EIF3M: variants seen among roughly 807,000 people sequenced by gnomAD.
EIF3M encodes eukaryotic translation initiation factor 3 subunit M, also known as B5 receptor.
In EIF3M, 25 loss-of-function variants were observed where a neutral mutation model predicts 49.7. That is an observed-to-expected ratio of 0.50 (90% CI 0.37 to 0.70). The LOEUF is 0.70. EIF3M is among the 30% of genes least tolerant of loss of function. The pLI is 0.00. For synonymous variants in EIF3M, 156 were observed against 149.8 expected, an observed-to-expected ratio of 1.04 and a Z score of -0.30; for missense variants, 350 against 440.0, an observed-to-expected ratio of 0.80 and a Z score of 1.83.
At chr11:32,594,157 G>A (rs576240609) in intron 6 of EIF3M, 1 of 362,428 alleles carries the variant, frequency 2.8e-6, no homozygotes. Flanking sequence ...TAGCTGCATG[G>A]CGTTTACCTG....
chr11:32,586,964 G>A (rs753287785), intron 1 of EIF3M, 48 bp from the exon 2 acceptor site: 1 of 1,502,112 alleles, frequency 6.7e-7, no homozygotes, highest in Non-Finnish European at 8.9e-7. Context: ...ATTTGAGATT[G>A]TGCTTTGTCA....
chr11:32,584,027 C>CG (rs1854950248), intron 1 of EIF3M, 98 bp downstream of exon 1: 1 of 1,495,744 alleles, frequency 6.7e-7, no homozygotes, highest in Non-Finnish European at 9.1e-7. Context: ...CCGGGGCTGA[C>CG]ACCCGCAGCT....
chr11:32,590,873 T>C (rs1855089543), intron 5 of EIF3M, among the ~76,000 whole-genome samples: 1 of 151,838 alleles, frequency 6.6e-6, no homozygotes, highest in East Asian at 1.9e-4. Context: ...TTATTTGAGA[T>C]GGAGTCTTGC....
In EIF3M at chr11:32,590,852, CT is replaced by C. The variant is rs531938787; in HGVS notation, c.533+1223del. ...GTTGATGCACATGGTGTTTGTTGTG[CT>C]TTTTTTTTTTTATTTGAGATGGAGT... On this transcript the variant is annotated intron_variant, in intron 5 of 10. Transcript: ENST00000531120. 2.1e-3 allele frequency among the ~76,000 whole-genome samples: 299 copies of C among 144,360 alleles called. 1 individual carries two copies. The highest frequency in any genetic ancestry group is 3.6e-3 in the Middle Eastern group (1 of 280). The allele number at this position is 144,360 out of a possible 152,430, so 94.7% of individuals were successfully genotyped here.
rs1050047695 is a variant in EIF3M, at chr11:32,594,925, G to A, written c.629G>A (p.Arg210Gln). Reference protein sequence around the residue: ...ARVDAHRCIVRALKDPNAFLF... With the variant: ...ARVDAHRCIVQALKDPNAFLF... ...GTTCTCTAATTAAGGTGTATTGTAC[G>A]AGCATTGAAAGATCCAAATGCATTT... The change falls in exon 7 of 11, where the codon CGA (arginine) becomes CAA (glutamine). Residue 210 changes from arginine to glutamine, a missense_variant. Coordinates refer to ENST00000531120, the MANE Select transcript of EIF3M (RefSeq NM_006360.6). 21 of 1,612,522 alleles carry A rather than the reference G, an allele frequency of 1.3e-5. 1 individual carries two copies. The highest frequency in any genetic ancestry group is 1.7e-4 in the Middle Eastern group (1 of 6,044).
chr11:32,590,264 A>G (rs1855079665), intron 5 of EIF3M, among the ~76,000 whole-genome samples: 2 of 152,242 alleles, frequency 1.3e-5, no homozygotes, highest in African/African-American at 4.8e-5. Context: ...TTGGTATTAC[A>G]TCCATGCCTA....
At chr11:32,594,174 G>A (rs555527964) in intron 6 of EIF3M, 6 of 339,922 alleles carry the variant, frequency 1.8e-5, no homozygotes, top group East Asian at 4.5e-5. Context: ...CCTGGCGGGG[G>A]GGGTATTGCT....
In EIF3M at chr11:32,595,024, T is replaced by A. The variant is rs770623852; in HGVS notation, c.717+11T>A. The A allele has an allele frequency of 6.2e-7, 1 of 1,607,402 alleles. No individual in the cohort carries two copies. The highest frequency in any genetic ancestry group is 8.5e-7 in the Non-Finnish European group (1 of 1,176,850). Reference sequence around the variant, plus strand: ...GAGCTTATTCATGATGTAAGTAGTTTATCCTTTAATGTGAAAAATGTTCTC... The same window carrying A: ...GAGCTTATTCATGATGTAAGTAGTTAATCCTTTAATGTGAAAAATGTTCTC... On this transcript the variant is annotated intron_variant, in intron 7 of 10. Coordinates refer to ENST00000531120, the MANE Select transcript of EIF3M (RefSeq NM_006360.6).
intron 6 of EIF3M, 26 bp downstream of exon 6, chr11:32,593,975 G>C (rs778982286): frequency 7.7e-6 from 11 of 1,423,148 alleles, no homozygotes; most frequent in Non-Finnish European, 9.3e-6. Context: ...ACTCTGATGA[G>C]GGTTTGACAG....
chr11:32,585,726 T>C (rs1307893043), intron 1 of EIF3M, among the ~76,000 whole-genome samples: 1 of 152,220 alleles, frequency 6.6e-6, no homozygotes, highest in African/African-American at 2.4e-5. Flanking sequence ...CCAACTCTTC[T>C]ATGAAGTTAC....
chr11:32,584,186 AT>A, intron 1 of EIF3M: 1 of 569,430 alleles, frequency 1.8e-6, no homozygotes, highest in South Asian at 2.1e-5. Flanking sequence ...TTCTGACGAC[AT>A]AGTACTTTTA....
rs1473913811 is a variant in EIF3M, at chr11:32,603,289, C to A, written c.*890C>A. On this transcript the variant is annotated 3_prime_UTR_variant, in exon 11 of 11. Coordinates refer to ENST00000531120, the MANE Select transcript of EIF3M (RefSeq NM_006360.6). ...TGTTTCCTCCCATGCTTCAGAACAC[C>A]ATTGTTGAAGAAACAGGAAGGGCAG... The A allele has an allele frequency of 6.4e-6, 2 of 310,882 alleles. No individual in the cohort carries two copies. The highest frequency in any genetic ancestry group is 4.3e-5 in the African/African-American group (2 of 46,524). 19.3% of individuals were successfully genotyped at this position (310,882 alleles called of 1,614,324 possible). A position where few individuals can be genotyped will look rare whatever the true frequency, so the allele number is the denominator to read the frequency against.
chr11:32,586,695 A>C (rs933694166), intron 1 of EIF3M, among the ~76,000 whole-genome samples: 1 of 152,188 alleles, frequency 6.6e-6, no homozygotes, highest in Non-Finnish European at 1.5e-5. Flanking sequence ...CACCCCCACC[A>C]AACCCTTTGG....
chr11:32,595,486 C>T (rs965683470), intron 7 of EIF3M, among the ~76,000 whole-genome samples: 4 of 152,202 alleles, frequency 2.6e-5, no homozygotes, highest in Non-Finnish European at 1.5e-5. Context: ...CTGCCCACTT[C>T]GGCCTCCCAG....
chr11:32,592,425 C>T, intron 5 of EIF3M: 1 of 542,982 alleles, frequency 1.8e-6, no homozygotes, highest in Admixed American at 2.0e-5. Context: ...AAATTATGTT[C>T]TTCTGTATCT....
At chr11:32,586,827 A>T (rs956188989) in intron 1 of EIF3M, 185 bp from the exon 2 acceptor site, 2 of 653,932 alleles carry the variant, frequency 3.1e-6, no homozygotes, top group Non-Finnish European at 4.8e-6. Flanking sequence ...ACTGGACCTC[A>T]TGGAGGAAAA....
chr11:32,584,750 T>A (rs1854968500), intron 1 of EIF3M, among the ~76,000 whole-genome samples: 1 of 152,158 alleles, frequency 6.6e-6, no homozygotes, highest in Non-Finnish European at 1.5e-5. Flanking sequence ...ATGGTATCAG[T>A]TCAGCTCTTA....
chr11:32,588,581 C>T lies in EIF3M; in HGVS notation c.176-13C>T, dbSNP rs1445731881. 1.2e-6 allele frequency: 2 copies of T among 1,611,488 alleles called. No homozygotes were observed. Among genetic ancestry groups the T allele is most frequent in the South Asian group, 2.2e-5 (2 of 91,028 alleles). ...TAGTATCACTGTTGATTGTGTTATC[C>T]ATACTTGTGTAGATGTTGAAAGTGT... is the stretch of plus-strand genomic sequence containing the variant. On this transcript the variant is annotated splice_polypyrimidine_tract_variant and intron_variant, in intron 2 of 10. Transcript: ENST00000531120.
intron 2 of EIF3M, among the ~76,000 whole-genome samples, chr11:32,588,350 C>G (rs919091111): frequency 1.4e-5 from 2 of 145,996 alleles, no homozygotes; most frequent in Non-Finnish European, 3.0e-5. Context: ...GATCGCACCA[C>G]TGCACCCCAG....
Sources: gnomAD v4.1 joint callset for allele counts (sites outside exome capture counted in the v4.1 genomes callset) on GRCh38, gnomAD v4.1.1 for gene constraint, MANE v1.5 for transcripts, NCBI Gene and HGNC (gene_info 2026-07-23, HGNC 2026-07-21) for gene names.